The following PRKCA variants were observed in gnomAD, a reference collection of about 807,000 sequenced individuals.
PRKCA encodes the protein protein kinase C alpha type.
A neutral mutation model predicts 87.0 loss-of-function variants in PRKCA; 27 were observed. The ratio of observed to expected loss-of-function variants is 0.31; its 90% confidence interval spans 0.23 to 0.43. The LOEUF (loss-of-function observed/expected upper bound fraction) is 0.43, where lower values mean the gene tolerates loss of function less well. Ranked by LOEUF, PRKCA falls within the 20% of genes least tolerant of loss-of-function variation. The pLI is 1.00. For missense variants in PRKCA, 518 were observed against 852.3 expected (o/e 0.61, Z 4.88); for synonymous variants, 329 against 311.1 (o/e 1.06, Z -0.61).
chr17:66,525,236 T>G (rs942599543), intron 3 of PRKCA, among the ~76,000 whole-genome samples: 1 of 152,150 alleles, frequency 6.6e-6, no homozygotes, highest in Admixed American at 6.5e-5. Context: ...CACCATTGAG[T>G]TAGGCCATCA....
chr17:66,474,357 C>G (rs1915449258), intron 2 of PRKCA, among the ~76,000 whole-genome samples: 1 of 152,186 alleles, frequency 6.6e-6, no homozygotes, highest in Non-Finnish European at 1.5e-5. Context: ...GGCTAAGGAG[C>G]TCTCCTGCCT....
intron 2 of PRKCA, among the ~76,000 whole-genome samples, chr17:66,409,958 A>G (rs1451359593): frequency 1.3e-5 from 2 of 152,206 alleles, no homozygotes; most frequent in East Asian, 2.0e-4. Context: ...AATCAGACTC[A>G]GTTAGTAGAT....
At chr17:66,650,242 A>G (rs1208304449) in intron 5 of PRKCA, among the ~76,000 whole-genome samples, 1 of 152,190 alleles carries the variant, frequency 6.6e-6, no homozygotes, top group Non-Finnish European at 1.5e-5. Flanking sequence ...GCAGTCAGAG[A>G]TGAGTTTTCT....
At chr17:66,639,536 C>T (rs1399376582) in intron 3 of PRKCA, among the ~76,000 whole-genome samples, 10 of 152,146 alleles carry the variant, frequency 6.6e-5, no homozygotes, top group African/African-American at 1.4e-4. Context: ...TACAGGCACA[C>T]GCCACCATGC....
chr17:66,376,523 G>A (rs1262432045), intron 2 of PRKCA, among the ~76,000 whole-genome samples: 4 of 151,926 alleles, frequency 2.6e-5, no homozygotes, highest in African/African-American at 4.8e-5. Flanking sequence ...CAGGAGAATC[G>A]CTTGAACCTG....
At chr17:66,716,590 G>T (rs1342480062) in intron 8 of PRKCA, among the ~76,000 whole-genome samples, 2 of 152,122 alleles carry the variant, frequency 1.3e-5, no homozygotes, top group African/African-American at 4.8e-5. Flanking sequence ...GTGTTTAGCA[G>T]GTGAGACAAG....
At chr17:66,323,815 C>T (rs1361012938) in intron 2 of PRKCA, among the ~76,000 whole-genome samples, 1 of 152,086 alleles carries the variant, frequency 6.6e-6, no homozygotes, top group Non-Finnish European at 1.5e-5. Flanking sequence ...TGGCACATTC[C>T]TGTAATCCCA....
rs143067317 is a variant in PRKCA at position 66,314,473 on chromosome 17, G to A, written c.205+8346G>A. ...TATCAAGGATGGAATGGAAGGGAAT[G>A]ATTTGATTAATGGCCAGCACGAGAT... On this transcript the variant is annotated intron_variant, in intron 2 of 16. Coordinates refer to ENST00000413366, the MANE Select transcript of PRKCA (RefSeq NM_002737.3). 4.1e-3 allele frequency among the ~76,000 whole-genome samples: 631 copies of A among 152,290 alleles called. 5 individuals carry two copies. Among genetic ancestry groups the A allele is most frequent in the African/African-American group, 0.014 (575 of 41,562 alleles).
intron 3 of PRKCA, among the ~76,000 whole-genome samples, chr17:66,566,491 T>G (rs1166454848): frequency 8.7e-5 from 13 of 149,454 alleles, no homozygotes; most frequent in African/African-American, 2.2e-4. Flanking sequence ...TTTTTTTTTT[T>G]TTTTTTTTTT....
chr17:66,439,876 T>C (rs1913630411), intron 2 of PRKCA, among the ~76,000 whole-genome samples: 1 of 152,360 alleles, frequency 6.6e-6, no homozygotes, highest in African/African-American at 2.4e-5. Context: ...TTCCATGTTT[T>C]GAAAAGTAAA....
At chr17:66,358,283 A>G (rs1338445074) in intron 2 of PRKCA, among the ~76,000 whole-genome samples, 1 of 152,178 alleles carries the variant, frequency 6.6e-6, no homozygotes, top group Admixed American at 6.5e-5. Flanking sequence ...CCAGGAGGGC[A>G]GAGGAACTCT....
chr17:66,618,018 G>C (rs1970561546), intron 3 of PRKCA, among the ~76,000 whole-genome samples: 1 of 152,080 alleles, frequency 6.6e-6, no homozygotes, highest in Non-Finnish European at 1.5e-5. Flanking sequence ...GTACACTGTT[G>C]GAAGAATCTT....
rs760517864 is a variant in PRKCA, at chr17:66,804,049, G to A, written c.*12G>A. ...AGAGTGCAGTATGAAACTCACCAGC[G>A]AGAACAAACACCTCCCCAGCCCCCA... On this transcript the variant is annotated 3_prime_UTR_variant, in exon 17 of 17. Transcript: ENST00000413366. The A allele has an allele frequency of 6.3e-5, 100 of 1,594,650 alleles. No homozygotes were observed. The highest frequency in any genetic ancestry group is 7.7e-5 in the Non-Finnish European group (90 of 1,164,410).
chr17:66,457,804 G>C (rs916013268), intron 2 of PRKCA, among the ~76,000 whole-genome samples: 3 of 152,098 alleles, frequency 2.0e-5, no homozygotes, highest in African/African-American at 7.2e-5. Context: ...GGAACTGTGA[G>C]TCAATTAAAC....
At chr17:66,531,256 A>G (rs1967526974) in intron 3 of PRKCA, among the ~76,000 whole-genome samples, 1 of 152,204 alleles carries the variant, frequency 6.6e-6, no homozygotes, top group African/African-American at 2.4e-5. Context: ...GCGTTCACAT[A>G]GGGTTCTGCA....
At chr17:66,716,218 A>G (rs545595887) in intron 8 of PRKCA, among the ~76,000 whole-genome samples, 4 of 151,634 alleles carry the variant, frequency 2.6e-5, no homozygotes, top group Non-Finnish European at 4.4e-5. Flanking sequence ...CTGAAAAACT[A>G]TTTACTTTGA....
intron 2 of PRKCA, among the ~76,000 whole-genome samples, chr17:66,313,095 A>C (rs1051183342): frequency 3.3e-5 from 5 of 152,020 alleles, no homozygotes; most frequent in African/African-American, 9.7e-5. Context: ...TTCCTCTGCC[A>C]GTTTTGAGTG....
At chr17:66,469,107 C>T (rs765441474) in intron 2 of PRKCA, among the ~76,000 whole-genome samples, 1 of 152,168 alleles carries the variant, frequency 6.6e-6, no homozygotes, top group Non-Finnish European at 1.5e-5. Context: ...GGCTCCATGG[C>T]CACAGTTTCC....
intron 2 of PRKCA, among the ~76,000 whole-genome samples, chr17:66,421,995 C>G (rs909638475): frequency 3.9e-5 from 6 of 152,040 alleles, no homozygotes; most frequent in African/African-American, 1.2e-4. Flanking sequence ...AAGGTGTCAG[C>G]AGGGGGTTGG....
Sources: allele counts gnomAD v4.1 joint callset (sites outside exome capture counted in the v4.1 genomes callset), GRCh38; gene constraint gnomAD v4.1.1; transcripts MANE v1.5; gene names NCBI Gene and HGNC (gene_info 2026-07-23, HGNC 2026-07-21).